Variants in FHAD1 observed in about 807,000 individuals in gnomAD.
FHAD1 encodes forkhead associated phosphopeptide binding domain 1.
Under a neutral mutation model 191.3 loss-of-function variants are expected in FHAD1, and 146 were observed. The observed-to-expected ratio is 0.76, with a 90% CI of 0.67 to 0.88. FHAD1 has a LOEUF of 0.88. Among genes scored for constraint, FHAD1 ranks in the 40% least tolerant of loss-of-function variants. The pLI is 0.00. For synonymous variants in FHAD1, 616 were observed against 672.3 expected (o/e 0.92, Z 1.29); for missense variants, 1,635 against 1,785.8 (o/e 0.92, Z 1.52).
At chr1:15,294,484 C>T (rs1263828306) in intron 4 of FHAD1, among the ~76,000 whole-genome samples, 2 of 152,138 alleles carry the variant, frequency 1.3e-5, no homozygotes, top group African/African-American at 2.4e-5. Context: ...ACCTCTACCT[C>T]CCGGGTTCAA....
intron 18 of FHAD1, 43 bp from the exon 19 acceptor site, chr1:15,348,999 C>T: frequency 7.9e-7 from 1 of 1,260,742 alleles, no homozygotes. Flanking sequence ...AATTTCCCCC[C>T]TAAATGTGCA....
At chr1:15,290,080 C>G (rs751068281) in intron 4 of FHAD1, among the ~76,000 whole-genome samples, 3 of 152,196 alleles carry the variant, frequency 2.0e-5, no homozygotes, top group Non-Finnish European at 2.9e-5. Context: ...CACCATTTTA[C>G]AGGTCAGAGG....
At chr1:15,338,834 T>C (rs966991371) in intron 14 of FHAD1, among the ~76,000 whole-genome samples, 33 of 152,292 alleles carry the variant, frequency 2.2e-4, no homozygotes, top group Middle Eastern at 3.4e-3. Flanking sequence ...AGCAGGCATT[T>C]ACACCTTGTC....
chr1:15,380,963 C>T (rs958213760), intron 29 of FHAD1, among the ~76,000 whole-genome samples, 167 bp downstream of exon 29: 3 of 152,202 alleles, frequency 2.0e-5, no homozygotes, highest in African/African-American at 7.2e-5. Flanking sequence ...ATCACATAGC[C>T]AAATTCCTTG....
In FHAD1 at chr1:15,323,062, G is replaced by A. The variant is rs973498295; in HGVS notation, c.1366-1390G>A. 1.2e-4 allele frequency among the ~76,000 whole-genome samples: 19 copies of A among 152,184 alleles called. 1 individual carries two copies. The highest frequency in any genetic ancestry group is 4.6e-4 in the African/African-American group (19 of 41,430). On this transcript the variant is annotated intron_variant, in intron 10 of 33. Coordinates refer to ENST00000688493, the MANE Select transcript of FHAD1 (RefSeq NM_001391957.1). ...AGACTTATTCACCATCAGGAGAACA[G>A]CACGGGAAAGTCCGGCCCCCATGAT...
rs1282801800 is a variant in FHAD1, at chr1:15,313,125, G to A, written c.1108G>A (p.Val370Ile). 1.3e-6 allele frequency: 2 copies of A among 1,551,736 alleles called. No homozygotes were observed. The highest frequency in any genetic ancestry group is 3.9e-5 in the Admixed American group (2 of 50,984). The change falls in exon 8 of 34, where the codon GTC becomes ATC. Residue 370 changes from valine (V) to isoleucine (I), a missense_variant. Coordinates refer to ENST00000688493, the MANE Select transcript of FHAD1 (RefSeq NM_001391957.1). Reference sequence around the variant, plus strand: ...GCAAGTTCAACAACTAAAGGAAGAGGTCAGTCACCTAAAAAGTCAGAACAA... The same window carrying A: ...GCAAGTTCAACAACTAAAGGAAGAGATCAGTCACCTAAAAAGTCAGAACAA... Reference protein sequence around the residue: ...DEQVQQLKEEVSHLKSQNKDK... With the variant: ...DEQVQQLKEEISHLKSQNKDK...
At chr1:15,322,192 T>C (rs1024937545) in intron 10 of FHAD1, among the ~76,000 whole-genome samples, 1 of 152,178 alleles carries the variant, frequency 6.6e-6, no homozygotes, top group East Asian at 1.9e-4. Flanking sequence ...TTTTGGAGTG[T>C]GGGCTGTGTA....
chr1:15,336,027 G>A (rs1028036042), intron 14 of FHAD1, among the ~76,000 whole-genome samples: 4 of 152,104 alleles, frequency 2.6e-5, no homozygotes, highest in South Asian at 2.1e-4. Context: ...ATGTCAGCCC[G>A]GCCATCTCAC....
At chr1:15,391,946 G>A (rs557259514) in intron 33 of FHAD1, among the ~76,000 whole-genome samples, 1 of 152,322 alleles carries the variant, frequency 6.6e-6, no homozygotes, top group African/African-American at 2.4e-5. Context: ...GGAGAGACTG[G>A]AGCAGGCAGA....
rs965470644 is a variant in FHAD1, at chr1:15,382,257, C to T, written c.4188+64C>T. 13 of 1,494,808 alleles carry T rather than the reference C, an allele frequency of 8.7e-6. No individual in the cohort carries two copies. In the African/African-American group the frequency reaches 9.8e-5, roughly 11 times the overall value. 92.6% of individuals were successfully genotyped at this position (1,494,808 alleles called of 1,614,324 possible). On this transcript the variant is annotated intron_variant, in intron 31 of 33. Transcript: ENST00000688493. ...CCCTGCAGCTCCCATTAGCAATGGCCGAGGGTGGTCCCTGGAGGATCCAGG... is the reference window on the plus strand; with the variant it reads ...CCCTGCAGCTCCCATTAGCAATGGCTGAGGGTGGTCCCTGGAGGATCCAGG...
Position 15,276,634 on chromosome 1 carries a change from C to A in FHAD1, c.300+4105C>A, listed in dbSNP as rs1003926490. 6.6e-6 allele frequency among the ~76,000 whole-genome samples: 1 copy of A among 152,136 alleles called. No homozygotes were observed. On this transcript the variant is annotated intron_variant, in intron 3 of 33. Coordinates refer to ENST00000688493, the MANE Select transcript of FHAD1 (RefSeq NM_001391957.1). The surrounding 1 kb of genome is among the most constrained non-coding windows in gnomAD (Gnocchi z 4.7). ...TGGCCAACATAGTGAAACCCCATGT[C>A]TACCCAAAACACAAAAAATTAGCCA...
At chr1:15,356,211 A>G (rs552296349) in intron 20 of FHAD1, among the ~76,000 whole-genome samples, 15 of 152,242 alleles carry the variant, frequency 9.9e-5, no homozygotes, top group Admixed American at 9.8e-4. Flanking sequence ...AGTTTATTCG[A>G]GCTCAAAGCT....
At chr1:15,389,328 C>T (rs993098719) in intron 32 of FHAD1, among the ~76,000 whole-genome samples, 7 of 151,616 alleles carry the variant, frequency 4.6e-5, no homozygotes, top group Non-Finnish European at 8.8e-5. Flanking sequence ...CACCTGTAGT[C>T]CCAGCTACTC....
intron 3 of FHAD1, among the ~76,000 whole-genome samples, chr1:15,287,930 C>G (rs1001674024): frequency 2.0e-5 from 3 of 152,186 alleles, no homozygotes; most frequent in Non-Finnish European, 4.4e-5. Context: ...TGTGTCTGAG[C>G]TCATCTTCTC....
intron 4 of FHAD1, among the ~76,000 whole-genome samples, chr1:15,290,570 A>G (rs1056247069): frequency 6.6e-6 from 1 of 152,180 alleles, no homozygotes; most frequent in Admixed American, 6.5e-5. Context: ...CAAGCTGAAG[A>G]GTAAAGGCCA....
intron 1 of FHAD1, among the ~76,000 whole-genome samples, chr1:15,240,630 C>CA (rs34684294): frequency 6.5e-4 from 71 of 109,858 alleles, no homozygotes; most frequent in African/African-American, 1.6e-3. Flanking sequence ...GACCCTGTCT[C>CA]AAAAAAAAAA....
At chr1:15,300,923 G>A (rs559764002) in intron 5 of FHAD1, among the ~76,000 whole-genome samples, 3 of 152,182 alleles carry the variant, frequency 2.0e-5, no homozygotes, top group South Asian at 2.1e-4. Flanking sequence ...TCTGCCTCCC[G>A]GGTTCAAGCG....
intron 3 of FHAD1, 34 bp downstream of exon 3, chr1:15,272,563 T>C (rs1244830139): frequency 4.6e-6 from 7 of 1,524,634 alleles, no homozygotes; most frequent in South Asian, 1.2e-5. Flanking sequence ...AGAGGGGCCA[T>C]GTCGCCTTCG....
chr1:15,385,256 G>A (rs1173024221), intron 31 of FHAD1, among the ~76,000 whole-genome samples: 2 of 151,996 alleles, frequency 1.3e-5, no homozygotes, highest in African/African-American at 2.4e-5. Flanking sequence ...CTCCCTAGGA[G>A]AGGAAAGTAG....
Sources: gnomAD v4.1 joint callset for allele counts (sites outside exome capture counted in the v4.1 genomes callset) on GRCh38, gnomAD v4.1.1 for gene constraint, Gnocchi (gnomAD v3.1) non-coding constraint, MANE v1.5 for transcripts, NCBI Gene and HGNC (gene_info 2026-07-23, HGNC 2026-07-21) for gene names.